ZNF91: variants seen among roughly 807,000 people sequenced by gnomAD.
The protein encoded by ZNF91 is zinc finger protein 91 (HPF7, HTF10).
Under a neutral mutation model 12.6 loss-of-function variants are expected in ZNF91, and 7 were observed. That is an observed-to-expected ratio of 0.55 (90% CI 0.31 to 1.04). ZNF91 has a LOEUF of 1.04. Among genes scored for constraint, ZNF91 ranks in the 50% least tolerant of loss-of-function variants. ZNF91 has a pLI of 0.05. For missense variants in ZNF91, 1,217 were observed against 1,385.4 expected, an observed-to-expected ratio of 0.88 and a Z score of 1.93; for synonymous variants, 453 against 462.6, an observed-to-expected ratio of 0.98 and a Z score of 0.27.
Position 23,358,365 on chromosome 19 carries a change from G to A in ZNF91, c.*1038C>T, listed in dbSNP as rs1368853437. 1.3e-5 allele frequency: 2 copies of A among 152,070 alleles called. No homozygotes were observed. The highest frequency in any genetic ancestry group is 2.9e-5 in the Non-Finnish European group (2 of 68,012). The allele number at this position is 152,070 out of a possible 1,614,324, so 9.4% of individuals were successfully genotyped here. ...CCTCATGCATCACTCGATATTATAAGTTAACCATAAAGATCCTCTCTACTT... is the reference window on the plus strand; with the variant it reads ...CCTCATGCATCACTCGATATTATAAATTAACCATAAAGATCCTCTCTACTT... On this transcript the variant is annotated 3_prime_UTR_variant, in exon 4 of 4. Transcript: ENST00000300619.
At chr19:23,326,060 C>T (rs1040564538) in intron 1 of ZNF91, 14 of 152,186 alleles carry the variant, frequency 9.2e-5, no homozygotes, top group East Asian at 5.8e-4. Flanking sequence ...TGTTGTTGCA[C>T]GGGTTGTTCT....
At chr19:23,308,205 T>C (rs926330916) in intron 2 of ZNF91, 20 of 152,190 alleles carry the variant, frequency 1.3e-4, no homozygotes, top group African/African-American at 4.6e-4. Context: ...GTCTGGACCC[T>C]GCCCACAGAA....
chr19:23,307,534 C>T (rs1043376043), intron 2 of ZNF91: 3 of 152,284 alleles, frequency 2.0e-5, no homozygotes, highest in African/African-American at 7.2e-5. Context: ...TTCTCTTTTT[C>T]TGGGGACCTG....
chr19:23,373,820 G>C lies in ZNF91; in HGVS notation c.175C>G (p.Pro59Ala), dbSNP rs373466656. ...TGCTCCAGATAAGTAATCAGGTCTG[G>C]CTTAGAGAGAGCAATACCTGTTTTA... ...LAFLGIALSK[P>A]DLITYLEQGK... The change falls in exon 3 of 4, where the codon CCA becomes GCA. Residue 59 changes from proline to alanine, a missense_variant. Pro to Ala is a conservative substitution (Grantham distance 27). Coordinates refer to ENST00000300619, the MANE Select transcript of ZNF91 (RefSeq NM_003430.4). 6.2e-7 allele frequency: 1 copy of C among 1,605,366 alleles called. No homozygotes were observed. The highest frequency in any genetic ancestry group is 1.3e-5 in the African/African-American group (1 of 74,444).
intron 3 of ZNF91, among the ~76,000 whole-genome samples, chr19:23,363,851 G>C (rs1305717493): frequency 6.6e-6 from 1 of 151,954 alleles, no homozygotes; most frequent in African/African-American, 2.4e-5. Flanking sequence ...CAGAAATTGT[G>C]GAGGTAAAAA....
chr19:23,314,727 T>C (rs896668090), upstream of ZNF91, among the ~76,000 whole-genome samples: 2 of 152,246 alleles, frequency 1.3e-5, no homozygotes, highest in African/African-American at 4.8e-5. Context: ...CTCTTCTTCC[T>C]GGGCTCTTTT....
intron 1 of ZNF91, among the ~76,000 whole-genome samples, chr19:23,379,155 T>C (rs1380446159): frequency 5.9e-5 from 9 of 152,168 alleles, no homozygotes; most frequent in Non-Finnish European, 1.0e-4. Flanking sequence ...GGTCCAATAA[T>C]AAGCCAGCAA....
chr19:23,320,013 A>G (rs890623017), intron 1 of ZNF91, among the ~76,000 whole-genome samples: 1 of 152,212 alleles, frequency 6.6e-6, no homozygotes, highest in Non-Finnish European at 1.5e-5. Context: ...GTGTCATCAC[A>G]GGTCCAAGGA....
At chr19:23,350,547 A>AAGG (rs1213783572) in intron 3 of ZNF91, among the ~76,000 whole-genome samples, 13 of 152,310 alleles carry the variant, frequency 8.5e-5, no homozygotes, top group Admixed American at 8.5e-4. Context: ...TGCCACCCCT[A>AAGG]TGTCATGCCT....
At chr19:23,315,602 A>T (rs370237142), upstream of ZNF91, among the ~76,000 whole-genome samples, 16 of 151,396 alleles carry the variant, frequency 1.1e-4, no homozygotes, top group South Asian at 1.9e-3. Context: ...ACCTGTCCAC[A>T]GTGGAAATTG....
At chr19:23,385,140 G>T in intron 1 of ZNF91, 1 of 736,078 alleles carries the variant, frequency 1.4e-6, no homozygotes, top group Admixed American at 2.1e-5. Flanking sequence ...CCGAAGACAT[G>T]TTTCACCATC....
chr19:23,374,140 G>C (rs1969407701), intron 2 of ZNF91, among the ~76,000 whole-genome samples: 1 of 152,078 alleles, frequency 6.6e-6, no homozygotes, highest in South Asian at 2.1e-4. Flanking sequence ...ACACAGATCA[G>C]CTCAGGAATG....
At chr19:23,335,029 C>T (rs59013955), downstream of ZNF91, among the ~76,000 whole-genome samples, 682 of 152,198 alleles carry the variant, frequency 4.5e-3, 4 homozygotes, top group African/African-American at 0.016. Context: ...ATGTGCATAG[C>T]GTGGAGGTTT....
chr19:23,373,509 A>G (rs564607271), intron 3 of ZNF91, among the ~76,000 whole-genome samples: 2 of 152,036 alleles, frequency 1.3e-5, no homozygotes, highest in Admixed American at 6.6e-5. Context: ...TATGCCATGA[A>G]CAGTACTCTG....
At chr19:23,393,904 AGAG>A (rs1180306805) in intron 1 of ZNF91, among the ~76,000 whole-genome samples, 2 of 152,062 alleles carry the variant, frequency 1.3e-5, no homozygotes, top group Non-Finnish European at 2.9e-5. Context: ...GGAGACTGAG[AGAG>A]GAGAATCATT....
chr19:23,383,416 A>C (rs1969781114), intron 1 of ZNF91, among the ~76,000 whole-genome samples: 1 of 152,186 alleles, frequency 6.6e-6, no homozygotes. Context: ...GGATGGGTAC[A>C]GTGGTTCAGT....
At chr19:23,345,101 G>C (rs1968195768) in intron 3 of ZNF91, among the ~76,000 whole-genome samples, 1 of 152,214 alleles carries the variant, frequency 6.6e-6, no homozygotes, top group Non-Finnish European at 1.5e-5. Context: ...GGCACTTGCT[G>C]ATCTTTTGGT....
At chr19:23,392,273 G>C (rs549008570) in intron 1 of ZNF91, among the ~76,000 whole-genome samples, 42 of 151,632 alleles carry the variant, frequency 2.8e-4, no homozygotes, top group African/African-American at 9.9e-4. Context: ...GCAAGCGCCT[G>C]TAATCCCAGC....
At position 23,360,334 on chromosome 19, in the gene ZNF91, G is replaced by C; in HGVS notation, c.2645C>G (p.Ser882Cys). ...HKIIHTKEKPSKSEECDKAFI... is the reference protein window; with the variant it reads ...HKIIHTKEKPCKSEECDKAFI... ...TGCTTTGTCACATTCTTCACTCTTG[G>C]AAGGTTTCTCTTTAGTATGAATTAT... is the stretch of plus-strand genomic sequence containing the variant. The change falls in exon 4 of 4, where the codon TCC (serine) becomes TGC (cysteine). Residue 882 changes from serine (S) to cysteine (C), a missense_variant. Coordinates refer to ENST00000300619, the MANE Select transcript of ZNF91 (RefSeq NM_003430.4). The C allele has an allele frequency of 6.2e-7, 1 of 1,611,878 alleles. No homozygotes were observed. The highest frequency in any genetic ancestry group is 8.5e-7 in the Non-Finnish European group (1 of 1,179,476).
Sources: gnomAD v4.1 joint callset for allele counts (sites outside exome capture counted in the v4.1 genomes callset) on GRCh38, gnomAD v4.1.1 for gene constraint, MANE v1.5 for transcripts, NCBI Gene and HGNC (gene_info 2026-07-23, HGNC 2026-07-21) for gene names.